MELK: variants seen among roughly 807,000 people sequenced by gnomAD.
The protein encoded by MELK is pEg3 kinase.
Under a neutral mutation model 85.0 loss-of-function variants are expected in MELK, and 81 were observed. The ratio of observed to expected loss-of-function variants is 0.95; its 90% CI spans 0.80 to 1.15. MELK has a LOEUF of 1.15. Ranked by LOEUF, MELK falls within the 50% of genes most tolerant of loss-of-function variation. The pLI is 0.00. For synonymous variants in MELK, 252 were observed against 265.0 expected (o/e 0.95, Z 0.48); for missense variants, 754 against 777.5 (o/e 0.97, Z 0.36).
Position 36,657,245 on chromosome 9 carries a change from A to G in MELK, c.1058A>G (p.Asn353Ser), listed in dbSNP as rs764624849. 3 of 1,609,596 alleles carry G rather than the reference A, an allele frequency of 1.9e-6. No individual in the cohort carries two copies. The highest frequency in any genetic ancestry group is 2.5e-6 in the Non-Finnish European group (3 of 1,178,926). ...CTTCTGTCTTTCATTGAGTAGTCAA[A>G]TAATTGGAGTCTGGAAGATGTGACC... ...SATPFTDIKS[N>S]NWSLEDVTAS... Residue 353 changes from asparagine to serine, a missense_variant, in exon 13 of 18, where the codon AAT becomes AGT. Asn to Ser is a conservative substitution (Grantham distance 46, BLOSUM62 1). Coordinates refer to ENST00000298048, the MANE Select transcript of MELK (RefSeq NM_014791.4).
chr9:36,606,933 C>G (rs1443871587), intron 7 of MELK: 1 of 151,924 alleles, frequency 6.6e-6, no homozygotes, highest in East Asian at 1.9e-4. Flanking sequence ...TGTGGGCATG[C>G]GCCACCATGC....
chr9:36,660,406 C>T (rs759034007), intron 13 of MELK, among the ~76,000 whole-genome samples: 4 of 152,082 alleles, frequency 2.6e-5, no homozygotes, highest in Non-Finnish European at 5.9e-5. Flanking sequence ...CAGCCTCGAC[C>T]TCCTGGGCTT....
intron 8 of MELK, among the ~76,000 whole-genome samples, chr9:36,611,423 T>C (rs529644778): frequency 6.6e-6 from 1 of 152,332 alleles, no homozygotes; most frequent in East Asian, 1.9e-4. Context: ...CTTGGCTATG[T>C]CCATGTACTC....
intron 8 of MELK, 33 bp downstream of exon 8, chr9:36,607,706 G>T: frequency 1.4e-6 from 2 of 1,414,486 alleles, no homozygotes; most frequent in Non-Finnish European, 2.0e-6. Context: ...TTTCAATGTA[G>T]AACTTTTCTA....
intron 5 of MELK, among the ~76,000 whole-genome samples, chr9:36,595,877 G>T (rs567448268): frequency 2.0e-5 from 3 of 151,994 alleles, no homozygotes; most frequent in Non-Finnish European, 4.4e-5. Flanking sequence ...GTGCAGTGGC[G>T]CAATCTTGGC....
rs1406495915 is a variant in MELK, at chr9:36,588,230, ATTTTTAATTTTGTG to A, written c.145-1299_145-1286del. 3.4e-3 allele frequency among the ~76,000 whole-genome samples: 489 copies of A among 145,054 alleles called. 4 individuals carry two copies. The highest frequency in any genetic ancestry group is 0.012 in the African/African-American group (437 of 37,360). ...CGCCACCATGCCCGGCTAATTTTGT[ATTTTTAATTTTGTG>A]TTTTTAGTAGAGACGGGCTTTCTCC... On this transcript the variant is annotated intron_variant, in intron 3 of 17. Transcript: ENST00000298048.
At position 36,649,675 on chromosome 9, in the gene MELK, G is replaced by A. The variant is rs766959572; in HGVS notation, c.922-2071G>A. Among the ~76,000 whole-genome samples, 106 of 151,290 alleles carry A rather than the reference G, an allele frequency of 7.0e-4. 1 individual carries two copies. Among genetic ancestry groups the A allele is most frequent in the Non-Finnish European group, 1.4e-3 (92 of 67,828 alleles). On this transcript the variant is annotated intron_variant, in intron 11 of 17. Transcript: ENST00000298048. ...TCCCGGGTACTCGGGACCCTGAGGC[G>A]AGAGGATTGCTTGAACCCAGGAGGC...
At chr9:36,612,203 C>A (rs1472462623) in intron 8 of MELK, among the ~76,000 whole-genome samples, 2 of 151,836 alleles carry the variant, frequency 1.3e-5, no homozygotes, top group African/African-American at 4.8e-5. Context: ...TCAAGCGATT[C>A]TCTTGCCTCA....
chr9:36,673,485 A>G (rs908960640), intron 16 of MELK, among the ~76,000 whole-genome samples: 2 of 152,126 alleles, frequency 1.3e-5, no homozygotes, highest in African/African-American at 2.4e-5. Context: ...CTGTGGTGCA[A>G]TGGCATGATC....
intron 4 of MELK, among the ~76,000 whole-genome samples, chr9:36,592,235 C>T (rs930081988): frequency 7.1e-6 from 1 of 141,280 alleles, no homozygotes; most frequent in Non-Finnish European, 1.5e-5. Context: ...AGTGCAATGG[C>T]GTAACCTTGG....
intron 8 of MELK, among the ~76,000 whole-genome samples, chr9:36,627,573 C>T (rs1241673397): frequency 2.1e-5 from 3 of 145,474 alleles, no homozygotes; most frequent in Non-Finnish European, 4.5e-5. Flanking sequence ...GTTGCCCAGG[C>T]TGGAGTGCAA....
intron 17 of MELK, among the ~76,000 whole-genome samples, chr9:36,676,610 T>C (rs1199091639): frequency 3.3e-5 from 5 of 152,196 alleles, no homozygotes; most frequent in African/African-American, 7.2e-5. Context: ...TCTGCTTTTC[T>C]TTCTGCCATA....
At chr9:36,592,171 T>C (rs1448239215) in intron 4 of MELK, among the ~76,000 whole-genome samples, 1 of 146,122 alleles carries the variant, frequency 6.8e-6, no homozygotes, top group Non-Finnish European at 1.5e-5. Context: ...ACATTTCTTT[T>C]CTTTTTTTTT....
chr9:36,629,843 G>GTTTTTTTT (rs11298711), intron 8 of MELK, among the ~76,000 whole-genome samples: 10 of 111,474 alleles, frequency 9.0e-5, no homozygotes, highest in Non-Finnish European at 1.6e-4. Context: ...GCAAGAAATT[G>GTTTTTTTT]TTTTTTTTTT....
chr9:36,652,131 C>T (rs1025694455), intron 12 of MELK, among the ~76,000 whole-genome samples: 7 of 146,086 alleles, frequency 4.8e-5, no homozygotes, highest in Non-Finnish European at 1.0e-4. Context: ...ACTGCAACCT[C>T]TGCCTCCGGG....
rs10608377 is a variant in MELK at position 36,627,053 on chromosome 9, A to AACACACACACACACACACACACACAC, written c.667-3235_667-3210dup. On this transcript the variant is annotated intron_variant, in intron 8 of 17. Transcript: ENST00000298048. ...GAAGACAAGGACAAGCACAAGCGCA[A>AACACACACACACACACACACACACAC]ACACACACACACACACACACACACA... 1.5e-4 allele frequency among the ~76,000 whole-genome samples: 21 copies of AACACACACACACACACACACACACAC among 140,960 alleles called. No homozygotes were observed. In the South Asian group the frequency reaches 2.1e-3, roughly 14 times the overall value. 92.5% of individuals were successfully genotyped at this position (140,960 alleles called of 152,430 possible).
chr9:36,674,211 G>A (rs1270269998), intron 16 of MELK, among the ~76,000 whole-genome samples: 1 of 152,146 alleles, frequency 6.6e-6, no homozygotes, highest in Non-Finnish European at 1.5e-5. Context: ...ACATTCAAAA[G>A]TAGTTGTTGA....
At position 36,615,473 on chromosome 9, in the gene MELK, C is replaced by T. The variant is rs1298885931; in HGVS notation, c.666+7800C>T. ...CCCCCCACCTCCCTCCCGGATGGGG[C>T]GGCTGGCCTGGCGGGGGCTGACCCC... On this transcript the variant is annotated intron_variant, in intron 8 of 17. Coordinates refer to ENST00000298048, the MANE Select transcript of MELK (RefSeq NM_014791.4). Among the ~76,000 whole-genome samples the T allele has an allele frequency of 9.3e-5, 13 of 139,372 alleles. No individual in the cohort carries two copies. In the East Asian group the frequency reaches 1.8e-3, roughly 19 times the overall value. The allele number at this position is 139,372 out of a possible 152,430, so 91.4% of individuals were successfully genotyped here.
chr9:36,666,847 CTGTGTTTGTGTGTG>C (rs1422252234), intron 14 of MELK, among the ~76,000 whole-genome samples: 31 of 114,140 alleles, frequency 2.7e-4, no homozygotes, highest in African/African-American at 9.7e-4. Context: ...CTGATGATGT[CTGTGTTTGTGTGTG>C]TGTGTGTGTG....
Sources: gnomAD v4.1 joint callset for allele counts (sites outside exome capture counted in the v4.1 genomes callset) on GRCh38, gnomAD v4.1.1 for gene constraint, MANE v1.5 for transcripts, NCBI Gene and HGNC (gene_info 2026-07-23, HGNC 2026-07-21) for gene names.